PCDHGA6: variants seen among roughly 807,000 people sequenced by gnomAD.
The protein encoded by PCDHGA6 is protocadherin gamma subfamily A, 6.
Under a neutral mutation model 60.6 loss-of-function variants are expected in PCDHGA6, and 41 were observed. That is an observed-to-expected ratio of 0.68 (90% CI 0.53 to 0.88). PCDHGA6 has a LOEUF of 0.88. Ranked by LOEUF, PCDHGA6 falls within the 40% of genes least tolerant of loss-of-function variation. The probability of loss-of-function intolerance (pLI) is 0.00; values close to 1 mark genes in which losing one functional copy is unlikely to be tolerated. For synonymous variants in PCDHGA6, 594 were observed against 524.4 expected (o/e 1.13, Z -1.81); for missense variants, 1,312 against 1,203.0 (o/e 1.09, Z -1.34).
chr5:141,374,262 C>A lies in PCDHGA6; in HGVS notation c.179C>A (p.Ala60Glu), dbSNP rs369097101. The A allele has an allele frequency of 8.4e-5, 136 of 1,613,824 alleles. No individual in the cohort carries two copies. Among genetic ancestry groups the A allele is most frequent in the Non-Finnish European group, 1.1e-4 (132 of 1,179,878 alleles). The change falls in exon 1 of 4, where the codon GCG becomes GAG. Residue 60 changes from alanine to glutamate, a missense_variant. Physicochemically the swap from Ala to Glu is moderately radical, Grantham distance 107 (BLOSUM62 -1). Transcript: ENST00000517434. Reference protein sequence around the residue: ...KDLGLEPQELAEHGVRIVSRG... With the variant: ...KDLGLEPQELEEHGVRIVSRG... ...CTGGGACTGGAGCCCCAGGAGTTGG[C>A]GGAGCACGGAGTCCGCATCGTCTCC...
chr5:141,432,120 A>G lies in PCDHGA6; in HGVS notation c.2424+55613A>G, dbSNP rs764363553. 12 of 1,613,978 alleles carry G rather than the reference A, an allele frequency of 7.4e-6. No homozygotes were observed. The highest frequency in any genetic ancestry group is 5.3e-5 in the African/African-American group (4 of 74,894). ...AACGACAACCCGCCGGTCTTCCCTCAGGCCTCCTATTCCGCTTATATCCCA... is the reference window on the plus strand; with the variant it reads ...AACGACAACCCGCCGGTCTTCCCTCGGGCCTCCTATTCCGCTTATATCCCA... On this transcript the variant is annotated intron_variant, in intron 1 of 3. Transcript: ENST00000517434. The surrounding 1 kb of genome is among the most constrained non-coding windows in gnomAD (Gnocchi z 6.0).
chr5:141,447,356 C>T (rs1158878203), intron 1 of PCDHGA6, among the ~76,000 whole-genome samples: 4 of 152,000 alleles, frequency 2.6e-5, no homozygotes, highest in African/African-American at 9.7e-5. Context: ...TCAGGCTGGT[C>T]TCAAACTCCT....
At chr5:141,413,182 G>T (rs752788034) in intron 1 of PCDHGA6, 2 of 1,604,164 alleles carry the variant, frequency 1.2e-6, no homozygotes, top group Admixed American at 3.4e-5. Flanking sequence ...TACAATGGCC[G>T]CTCAAAGGAA....
At chr5:141,390,107 C>G (rs778685705) in intron 1 of PCDHGA6, 19 of 1,614,066 alleles carry the variant, frequency 1.2e-5, no homozygotes, top group Non-Finnish European at 1.6e-5. Context: ...CCCCCAACTA[C>G]AGCGAGGGGA....
At chr5:141,417,892 C>T (rs550343206) in intron 1 of PCDHGA6, 13 of 1,570,660 alleles carry the variant, frequency 8.3e-6, no homozygotes, top group African/African-American at 5.4e-5. Flanking sequence ...GGCGCCGGGC[C>T]GGCCCGCGGC....
At chr5:141,482,366 AT>A (rs1425349819) in intron 1 of PCDHGA6, among the ~76,000 whole-genome samples, 1 of 152,150 alleles carries the variant, frequency 6.6e-6, no homozygotes, top group Non-Finnish European at 1.5e-5. Flanking sequence ...GTGAAAAGTA[AT>A]GCATATAAAG....
chr5:141,497,111 G>A (rs899232924), intron 2 of PCDHGA6, among the ~76,000 whole-genome samples: 16 of 152,010 alleles, frequency 1.1e-4, no homozygotes, highest in Non-Finnish European at 1.2e-4. Context: ...GCTTGAACCC[G>A]GAAGGCAGAG....
chr5:141,404,656 C>A, intron 1 of PCDHGA6: 1 of 1,614,176 alleles, frequency 6.2e-7, no homozygotes, highest in Non-Finnish European at 8.5e-7. Context: ...CTGCCCTCCC[C>A]ACTGATGGTT....
chr5:141,499,751 A>G (rs1355923543), intron 2 of PCDHGA6, among the ~76,000 whole-genome samples: 2 of 149,258 alleles, frequency 1.3e-5, no homozygotes, highest in Non-Finnish European at 3.0e-5. Flanking sequence ...CTGTGGCACA[A>G]TCTCAGCTCA....
At chr5:141,398,740 C>G in intron 1 of PCDHGA6, 2 of 1,613,864 alleles carry the variant, frequency 1.2e-6, no homozygotes, top group Non-Finnish European at 1.7e-6. Context: ...CCGGGAACAA[C>G]AGAGTTACCA....
intron 1 of PCDHGA6, among the ~76,000 whole-genome samples, chr5:141,455,594 G>A (rs1263100982): frequency 6.6e-6 from 1 of 152,112 alleles, no homozygotes; most frequent in Non-Finnish European, 1.5e-5. Context: ...ATATGCAAAC[G>A]TAGGGCGCCA....
chr5:141,396,765 T>A (rs1446594255), intron 1 of PCDHGA6: 1 of 152,246 alleles, frequency 6.6e-6, no homozygotes, highest in Non-Finnish European at 1.5e-5. Flanking sequence ...CAATAAATGT[T>A]TGTTATTAAT....
chr5:141,500,114 G>A (rs72790070), intron 2 of PCDHGA6, among the ~76,000 whole-genome samples: 10,550 of 151,670 alleles, frequency 0.07, 640 homozygotes, highest in African/African-American at 0.16. Flanking sequence ...TTGAATCCCT[G>A]CCTTTTCATA....
chr5:141,379,354 C>T (rs995158490), intron 1 of PCDHGA6: 2 of 152,104 alleles, frequency 1.3e-5, no homozygotes, highest in African/African-American at 2.4e-5. Flanking sequence ...TTTCTTGTAT[C>T]TTTGTGATAT....
At chr5:141,399,304 T>C (rs756847972) in intron 1 of PCDHGA6, 1 of 1,613,956 alleles carries the variant, frequency 6.2e-7, no homozygotes, top group Admixed American at 1.7e-5. Context: ...GATTATCTCT[T>C]CATCCAAAAA....
At position 141,491,765 on chromosome 5, in the gene PCDHGA6, A is replaced by C; in HGVS notation, c.2425-3042A>C. 1 of 1,569,230 alleles carries C rather than the reference A, an allele frequency of 6.4e-7. No homozygotes were observed. On this transcript the variant is annotated intron_variant, in intron 1 of 3. Coordinates refer to ENST00000517434, the MANE Select transcript of PCDHGA6 (RefSeq NM_018919.3). This position sits in a 1 kb window ranked among gnomAD's most constrained non-coding sequence, Gnocchi z 6.9. The stretch of plus-strand genomic sequence containing the variant: ...GGCACTGGAGAAGCCGCCCGTCCTC[A>C]TAAGGGATTGAACTTGCATCCACTC...
chr5:141,379,992 T>G (rs1776127891), intron 1 of PCDHGA6, among the ~76,000 whole-genome samples: 1 of 144,024 alleles, frequency 6.9e-6, no homozygotes, highest in South Asian at 2.4e-4. Flanking sequence ...TTCCTCCTCC[T>G]GGGTTCAAGC....
chr5:141,496,766 CT>C (rs1361332988), intron 2 of PCDHGA6, among the ~76,000 whole-genome samples: 1 of 152,068 alleles, frequency 6.6e-6, no homozygotes, highest in Non-Finnish European at 1.5e-5. Context: ...TATCGAGCAT[CT>C]ACTATGAGCA....
intron 1 of PCDHGA6, chr5:141,383,523 C>A (rs1337208290): frequency 1.2e-6 from 2 of 1,612,324 alleles, no homozygotes; most frequent in African/African-American, 2.7e-5. Flanking sequence ...AGCGGGTTCA[C>A]CACCTGGTCC....
Sources: gnomAD v4.1 joint callset for allele counts (sites outside exome capture counted in the v4.1 genomes callset) on GRCh38, gnomAD v4.1.1 for gene constraint, Gnocchi (gnomAD v3.1) non-coding constraint, MANE v1.5 for transcripts, NCBI Gene and HGNC (gene_info 2026-07-23, HGNC 2026-07-21) for gene names.